The following ARID4B variants were observed in gnomAD, a reference collection of about 807,000 sequenced individuals.
ARID4B encodes AT-rich interaction domain 4B.
A neutral mutation model predicts 147.5 loss-of-function variants in ARID4B; 26 were observed. That is an observed-to-expected ratio of 0.18 (90% CI 0.13 to 0.24). ARID4B has a LOEUF of 0.24. Among genes scored for constraint, ARID4B ranks in the 10% least tolerant of loss-of-function variants. The pLI is 1.00. For synonymous variants in ARID4B, 512 were observed against 507.9 expected, an observed-to-expected ratio of 1.01 and a Z score of -0.11; for missense variants, 1,179 against 1,511.5, an observed-to-expected ratio of 0.78 and a Z score of 3.65.
intron 2 of ARID4B, 76 bp from the exon 3 acceptor site, chr1:235,260,828 C>T (rs2103117082): frequency 1.0e-6 from 1 of 982,652 alleles, no homozygotes. Context: ...AATAGTGAGC[C>T]TAATCTTGTT....
intron 7 of ARID4B, 47 bp from the exon 8 acceptor site, chr1:235,240,498 A>T (rs539660665): frequency 5.8e-5 from 90 of 1,559,416 alleles, no homozygotes; most frequent in Admixed American, 3.5e-4. Context: ...CTCACAAAGA[A>T]TAAGCATGCC....
chr1:235,298,155 A>C (rs1215597162), intron 2 of ARID4B, among the ~76,000 whole-genome samples: 1 of 152,214 alleles, frequency 6.6e-6, no homozygotes, highest in Non-Finnish European at 1.5e-5. Flanking sequence ...ATGGTGAGGG[A>C]GAAAGGAGAG....
At chr1:235,295,014 T>C (rs1158410418) in intron 2 of ARID4B, among the ~76,000 whole-genome samples, 1 of 151,268 alleles carries the variant, frequency 6.6e-6, no homozygotes, top group Non-Finnish European at 1.5e-5. Context: ...AATATTATTT[T>C]TTATTAAAAT....
At chr1:235,312,940 T>C (rs1674168309) in intron 2 of ARID4B, among the ~76,000 whole-genome samples, 1 of 151,926 alleles carries the variant, frequency 6.6e-6, no homozygotes, top group Non-Finnish European at 1.5e-5. Context: ...ACCACTGCAC[T>C]CCAGCCTGGG....
rs528732729 is a variant in ARID4B at position 235,186,994 on chromosome 1, C to A, written c.2126-4201G>T. 2.4e-5 allele frequency: 8 copies of A among 337,172 alleles called. No individual in the cohort carries two copies. In the East Asian group the frequency reaches 6.9e-4, roughly 29 times the overall value. 20.9% of individuals were successfully genotyped at this position (337,172 alleles called of 1,614,324 possible). A position where few individuals can be genotyped will look rare whatever the true frequency, so the allele number is the denominator to read the frequency against. Reference sequence around the variant, plus strand: ...TACAGGCATGAGCCACTGTGCCTGGCCTTTAGATTTTTATCTCCAAGTCTT... The same window carrying A: ...TACAGGCATGAGCCACTGTGCCTGGACTTTAGATTTTTATCTCCAAGTCTT... On this transcript the variant is annotated intron_variant, in intron 19 of 23. Coordinates refer to ENST00000264183, the MANE Select transcript of ARID4B (RefSeq NM_016374.6).
chr1:235,277,674 T>G (rs1344490546), intron 2 of ARID4B, among the ~76,000 whole-genome samples: 1 of 149,836 alleles, frequency 6.7e-6, no homozygotes. Flanking sequence ...TTTCTCCTGA[T>G]GACCTTGCCC....
intron 2 of ARID4B, 113 bp from the exon 3 acceptor site, chr1:235,260,865 T>C: frequency 1.4e-6 from 1 of 694,980 alleles, no homozygotes; most frequent in East Asian, 2.9e-5. Flanking sequence ...AAATATGAAA[T>C]GTATGTTAAC....
At chr1:235,293,331 T>C (rs1672464704) in intron 2 of ARID4B, among the ~76,000 whole-genome samples, 1 of 152,218 alleles carries the variant, frequency 6.6e-6, no homozygotes, top group Admixed American at 6.5e-5. Context: ...AAATTTTATA[T>C]AATGAAGTAG....
At chr1:235,242,807 G>T (rs1669074070) in intron 7 of ARID4B, among the ~76,000 whole-genome samples, 1 of 152,044 alleles carries the variant, frequency 6.6e-6, no homozygotes, top group African/African-American at 2.4e-5. Context: ...AAAATTGCAA[G>T]GTTCCTGTCT....
At chr1:235,231,254 A>C (rs1668214975) in intron 9 of ARID4B, 65 bp from the exon 10 acceptor site, 1 of 840,048 alleles carries the variant, frequency 1.2e-6, no homozygotes, top group Middle Eastern at 3.5e-4. Context: ...ATTAATTAAG[A>C]ATCCAGATGA....
chr1:235,189,527 G>T (rs1427692996), intron 19 of ARID4B, among the ~76,000 whole-genome samples: 1 of 150,316 alleles, frequency 6.7e-6, no homozygotes. Context: ...TTAATAAAAA[G>T]CAAGAAATTA....
intron 2 of ARID4B, among the ~76,000 whole-genome samples, chr1:235,279,245 T>A (rs1288401318): frequency 6.6e-6 from 1 of 152,024 alleles, no homozygotes; most frequent in Non-Finnish European, 1.5e-5. Flanking sequence ...ACCCAGAGGT[T>A]ATTCCTCTAG....
chr1:235,219,014 T>C (rs1667272763), intron 16 of ARID4B, among the ~76,000 whole-genome samples: 1 of 151,802 alleles, frequency 6.6e-6, no homozygotes, highest in African/African-American at 2.4e-5. Context: ...TATGGGCACA[T>C]GTCACCACGC....
At chr1:235,257,388 A>G (rs1670047940) in intron 3 of ARID4B, among the ~76,000 whole-genome samples, 163 bp from the exon 4 acceptor site, 1 of 152,210 alleles carries the variant, frequency 6.6e-6, no homozygotes, top group African/African-American at 2.4e-5. Context: ...TTATTTACAG[A>G]CAACTGCTCA....
At chr1:235,240,040 T>G (rs1005295104) in intron 8 of ARID4B, among the ~76,000 whole-genome samples, 3 of 152,146 alleles carry the variant, frequency 2.0e-5, no homozygotes, top group African/African-American at 7.2e-5. Flanking sequence ...CTTAGGAGCT[T>G]TAAAAGTTTG....
intron 17 of ARID4B, among the ~76,000 whole-genome samples, chr1:235,211,151 T>C (rs748352468): frequency 2.0e-4 from 30 of 152,114 alleles, no homozygotes; most frequent in Non-Finnish European, 4.0e-4. Context: ...CTAACAAACA[T>C]GGAGAAACCC....
At position 235,181,778 on chromosome 1, in the gene ARID4B, T is replaced by C. The variant is rs150036316; in HGVS notation, c.3141A>G (p.Val1047=). 3.8e-5 allele frequency: 62 copies of C among 1,614,108 alleles called. No individual in the cohort carries two copies. The African/African-American group carries it at 7.3e-4, about 19-fold the overall frequency. Residue 1047 remains valine, a synonymous_variant, in exon 20 of 24, where the codon GTA becomes GTG. Coordinates refer to ENST00000264183, the MANE Select transcript of ARID4B (RefSeq NM_016374.6). ...CTTGGTTTGGAGCCAGTGGTTCTGA[T>C]ACTGTTACAGAAGACTGCTGCCGGC... ...EGSRQQSSVT[V]SEPLAPNQEE...
chr1:235,205,451 A>G (rs768842462), intron 17 of ARID4B, among the ~76,000 whole-genome samples: 1 of 152,232 alleles, frequency 6.6e-6, no homozygotes, highest in Non-Finnish European at 1.5e-5. Flanking sequence ...GAGGTCACAT[A>G]TATCATATAC....
chr1:235,186,238 A>G (rs1278354618), intron 19 of ARID4B, among the ~76,000 whole-genome samples: 2 of 152,060 alleles, frequency 1.3e-5, no homozygotes, highest in African/African-American at 4.8e-5. Context: ...AAGTGCAGGG[A>G]TTATAGGCGT....
Sources: gnomAD v4.1 joint callset for allele counts (sites outside exome capture counted in the v4.1 genomes callset) on GRCh38, gnomAD v4.1.1 for gene constraint, MANE v1.5 for transcripts, NCBI Gene and HGNC (gene_info 2026-07-23, HGNC 2026-07-21) for gene names.